Variants in NCAM2 observed in about 807,000 individuals in gnomAD.
NCAM2 encodes N-CAM-2.
Under a neutral mutation model 98.1 loss-of-function variants are expected in NCAM2, and 30 were observed. The observed-to-expected ratio is 0.31, with a 90% CI of 0.23 to 0.41. NCAM2 has a LOEUF of 0.41. Ranked by LOEUF, NCAM2 falls within the 10% of genes least tolerant of loss-of-function variation. The probability of loss-of-function intolerance (pLI) is 1.00; values close to 1 mark genes in which losing one functional copy is unlikely to be tolerated. For synonymous variants in NCAM2, 368 were observed against 342.4 expected (o/e 1.07, Z -0.83); for missense variants, 867 against 1,005.8 (o/e 0.86, Z 1.87).
intron 15 of NCAM2, among the ~76,000 whole-genome samples, chr21:21,497,147 G>A (rs932050557): frequency 1.3e-5 from 2 of 152,076 alleles, no homozygotes; most frequent in Non-Finnish European, 2.9e-5. Context: ...CTTATAACTG[G>A]GAGCTAAGTA....
chr21:21,358,431 T>C (rs1348231826), intron 8 of NCAM2, among the ~76,000 whole-genome samples: 4 of 149,876 alleles, frequency 2.7e-5, no homozygotes, highest in African/African-American at 9.7e-5. Context: ...CCTATAGAGA[T>C]CCTGTCTTTG....
At chr21:21,335,339 G>A (rs919814741) in intron 6 of NCAM2, among the ~76,000 whole-genome samples, 166 bp from the exon 7 acceptor site, 4 of 151,840 alleles carry the variant, frequency 2.6e-5, no homozygotes, top group Admixed American at 6.6e-5. Flanking sequence ...TTGTTTATTC[G>A]TTAAGTTCTG....
At chr21:21,493,635 T>TGTATCC (rs1971454763) in intron 15 of NCAM2, among the ~76,000 whole-genome samples, 1 of 151,942 alleles carries the variant, frequency 6.6e-6, no homozygotes, top group African/African-American at 2.4e-5. Flanking sequence ...AATAATGACC[T>TGTATCC]GTATCCACCA....
intron 1 of NCAM2, among the ~76,000 whole-genome samples, chr21:21,221,614 C>CAATT (rs1470619896): frequency 7.2e-5 from 11 of 152,180 alleles, no homozygotes; most frequent in African/African-American, 2.6e-4. Context: ...CGGAGCAATA[C>CAATT]CCTAGTATTA....
chr21:21,053,975 A>G (rs1300638781), intron 1 of NCAM2, among the ~76,000 whole-genome samples: 2 of 151,570 alleles, frequency 1.3e-5, no homozygotes, highest in Non-Finnish European at 3.0e-5. Flanking sequence ...ATCTTTATAT[A>G]ATTTGGTATG....
chr21:21,466,841 T>C (rs2146213201), intron 13 of NCAM2, 116 bp downstream of exon 13: 1 of 1,073,762 alleles, frequency 9.3e-7, no homozygotes, highest in South Asian at 1.6e-5. Context: ...ATTATGTCTT[T>C]GGTGAAGTGG....
At chr21:21,218,588 T>G (rs990069609) in intron 1 of NCAM2, among the ~76,000 whole-genome samples, 3 of 152,158 alleles carry the variant, frequency 2.0e-5, no homozygotes, top group African/African-American at 7.2e-5. Flanking sequence ...CCAGGAGTCC[T>G]TAAAATAGTT....
intron 1 of NCAM2, among the ~76,000 whole-genome samples, chr21:21,249,698 AT>A (rs11326029): frequency 1 from 152,154 of 152,154 alleles, 76,077 homozygotes; most frequent in Non-Finnish European, 1. Flanking sequence ...TTGTTTAAGT[AT>A]TTTTTGTCTG....
intron 1 of NCAM2, among the ~76,000 whole-genome samples, chr21:21,189,904 G>C (rs2068763519): frequency 1.3e-5 from 2 of 152,160 alleles, no homozygotes; most frequent in Non-Finnish European, 1.5e-5. Flanking sequence ...CTTAATGTCA[G>C]AGCAATGCCG....
intron 1 of NCAM2, among the ~76,000 whole-genome samples, chr21:21,220,594 C>G (rs921115194): frequency 7.9e-5 from 12 of 152,090 alleles, no homozygotes; most frequent in Non-Finnish European, 1.5e-4. Context: ...TTTAGTTCAG[C>G]TCCTTCAATG....
intron 1 of NCAM2, among the ~76,000 whole-genome samples, chr21:21,018,612 T>G (rs2064366970): frequency 6.6e-6 from 1 of 152,232 alleles, no homozygotes; most frequent in Admixed American, 6.5e-5. Context: ...TTTTGAGAAT[T>G]ACTAAATAGA....
intron 6 of NCAM2, among the ~76,000 whole-genome samples, chr21:21,335,025 A>G (rs1201757898): frequency 1.3e-5 from 2 of 152,076 alleles, no homozygotes; most frequent in Non-Finnish European, 2.9e-5. Context: ...CTTATATGCA[A>G]TATACATTTA....
In NCAM2 at chr21:21,037,675, T is replaced by C. The variant is rs533373015; in HGVS notation, c.55+39057T>C. Among the ~76,000 whole-genome samples the C allele has an allele frequency of 5.3e-5, 8 of 152,280 alleles. No homozygotes were observed. The South Asian group carries it at 1.2e-3, about 24-fold the overall frequency. On this transcript the variant is annotated intron_variant, in intron 1 of 17. Transcript: ENST00000400546. ...ATCAGGATTACCATAAACCAAAGCA[T>C]AAAAGTACACTGTAGACATATTACT... is the stretch of plus-strand genomic sequence containing the variant.
At chr21:21,323,633 A>G (rs1209738706) in intron 5 of NCAM2, among the ~76,000 whole-genome samples, 1 of 152,164 alleles carries the variant, frequency 6.6e-6, no homozygotes, top group Non-Finnish European at 1.5e-5. Flanking sequence ...TTTATTGCAA[A>G]CAGTGCATTT....
chr21:21,017,809 A>G (rs996171681), intron 1 of NCAM2, among the ~76,000 whole-genome samples: 3 of 152,138 alleles, frequency 2.0e-5, no homozygotes, highest in Admixed American at 1.3e-4. Context: ...TATGTAAAAT[A>G]TATTTTTAAA....
intron 5 of NCAM2, among the ~76,000 whole-genome samples, chr21:21,303,654 A>G (rs564249677): frequency 3.3e-5 from 5 of 152,192 alleles, no homozygotes; most frequent in African/African-American, 1.2e-4. Context: ...TCACATGCCA[A>G]GTGTATGTTT....
At chr21:21,309,486 C>T (rs1057149061) in intron 5 of NCAM2, among the ~76,000 whole-genome samples, 3 of 152,258 alleles carry the variant, frequency 2.0e-5, no homozygotes, top group Admixed American at 6.5e-5. Context: ...TATTCTGGCT[C>T]ATGAGAGTAT....
intron 1 of NCAM2, among the ~76,000 whole-genome samples, chr21:21,205,597 A>G (rs1331653533): frequency 6.6e-6 from 1 of 152,206 alleles, no homozygotes; most frequent in Non-Finnish European, 1.5e-5. Flanking sequence ...TTGTGTTTAT[A>G]TAGTTGACTA....
rs1482405307 is a variant in NCAM2 at position 21,086,760 on chromosome 21, G to A, written c.55+88142G>A. On this transcript the variant is annotated intron_variant, in intron 1 of 17. Transcript: ENST00000400546. ...AGTTAATTTAACTAGAACGTGTGTG[G>A]CAGGCCAAACTTGTATTTGTGTGAA... 2.6e-5 allele frequency among the ~76,000 whole-genome samples: 4 copies of A among 152,240 alleles called. No individual in the cohort carries two copies. In the East Asian group the frequency reaches 5.8e-4, roughly 22 times the overall value.
Sources: gnomAD v4.1 joint callset for allele counts (sites outside exome capture counted in the v4.1 genomes callset) on GRCh38, gnomAD v4.1.1 for gene constraint, MANE v1.5 for transcripts, NCBI Gene and HGNC (gene_info 2026-07-23, HGNC 2026-07-21) for gene names.